The following DTNB variants were observed in gnomAD, a reference collection of about 807,000 sequenced individuals.
DTNB encodes dystrobrevin beta.
In DTNB, 63 loss-of-function variants were observed where a neutral mutation model predicts 90.7. That is an observed-to-expected ratio of 0.69 (90% CI 0.57 to 0.86). The LOEUF is 0.86. DTNB is among the 40% of genes least tolerant of loss of function. DTNB has a pLI of 0.00. For synonymous variants in DTNB, 277 were observed against 286.7 expected (o/e 0.97, Z 0.34); for missense variants, 744 against 807.1 (o/e 0.92, Z 0.95).
At chr2:25,410,581 G>A (rs563160310) in intron 16 of DTNB, among the ~76,000 whole-genome samples, 4 of 152,198 alleles carry the variant, frequency 2.6e-5, no homozygotes, top group African/African-American at 9.6e-5. Context: ...TGAAAAGAGG[G>A]GAAATGAGAA....
At chr2:25,417,707 G>A (rs2048316425) in intron 16 of DTNB, among the ~76,000 whole-genome samples, 1 of 152,166 alleles carries the variant, frequency 6.6e-6, no homozygotes, top group East Asian at 1.9e-4. Context: ...AAGAGAAGGA[G>A]GGGATGCTAG....
At chr2:25,655,916 A>G (rs897301236) in intron 1 of DTNB, among the ~76,000 whole-genome samples, 1 of 152,144 alleles carries the variant, frequency 6.6e-6, no homozygotes, top group African/African-American at 2.4e-5. Flanking sequence ...TAAATACTCC[A>G]ACTACCTTTC....
chr2:25,575,280 A>T (rs2060485151), intron 8 of DTNB, among the ~76,000 whole-genome samples: 1 of 152,038 alleles, frequency 6.6e-6, no homozygotes, highest in Non-Finnish European at 1.5e-5. Flanking sequence ...ATTAACAATT[A>T]ACATAGTGAA....
intron 9 of DTNB, among the ~76,000 whole-genome samples, chr2:25,525,904 A>G (rs113522472): frequency 4.1e-4 from 63 of 152,210 alleles, no homozygotes; most frequent in Middle Eastern, 6.8e-3. Context: ...ACTGGTTGAA[A>G]GAATGGATAA....
intron 4 of DTNB, among the ~76,000 whole-genome samples, chr2:25,620,792 C>T (rs2072348377): frequency 1.3e-5 from 2 of 152,124 alleles, no homozygotes; most frequent in African/African-American, 4.8e-5. Flanking sequence ...CAAAGCAAAA[C>T]CCTGTCTCTA....
chr2:25,529,087 A>G (rs2077663868), intron 9 of DTNB, among the ~76,000 whole-genome samples: 1 of 152,138 alleles, frequency 6.6e-6, no homozygotes, highest in Non-Finnish European at 1.5e-5. Flanking sequence ...TAGACAAGAC[A>G]CTCCAGAAAA....
chr2:25,646,395 C>A (rs1382703175), intron 2 of DTNB, among the ~76,000 whole-genome samples: 1 of 151,864 alleles, frequency 6.6e-6, no homozygotes, highest in Non-Finnish European at 1.5e-5. Context: ...TCGCTTGAAC[C>A]AGGGAGGCGG....
chr2:25,649,203 C>T (rs1664604421), intron 2 of DTNB, among the ~76,000 whole-genome samples: 1 of 151,914 alleles, frequency 6.6e-6, no homozygotes, highest in Admixed American at 6.6e-5. Flanking sequence ...GACGGGGTTT[C>T]ACCATGTTAG....
intron 5 of DTNB, among the ~76,000 whole-genome samples, chr2:25,606,952 T>A (rs1379561197): frequency 6.6e-6 from 1 of 152,216 alleles, no homozygotes; most frequent in Non-Finnish European, 1.5e-5. Context: ...ATAATTTTAA[T>A]AATGTGGAAA....
chr2:25,398,531 C>T (rs532994741), intron 16 of DTNB, among the ~76,000 whole-genome samples: 1 of 152,312 alleles, frequency 6.6e-6, no homozygotes, highest in East Asian at 1.9e-4. Context: ...TGGGCTTTCG[C>T]CAGGCCTGAG....
chr2:25,604,415 CTT>C (rs397755067), intron 5 of DTNB, among the ~76,000 whole-genome samples: 2 of 149,604 alleles, frequency 1.3e-5, no homozygotes. Context: ...CTCTCTCTCT[CTT>C]TCTTTTCTTG....
chr2:25,468,602 TAAGA>T (rs2062219371), intron 10 of DTNB, among the ~76,000 whole-genome samples: 1 of 152,156 alleles, frequency 6.6e-6, no homozygotes, highest in Admixed American at 6.5e-5. Context: ...AAGCCAAGTT[TAAGA>T]AATAAGCCAG....
chr2:25,604,714 C>A (rs2066704237), intron 5 of DTNB, among the ~76,000 whole-genome samples: 1 of 152,160 alleles, frequency 6.6e-6, no homozygotes, highest in Non-Finnish European at 1.5e-5. Context: ...CTCAGCCTCC[C>A]GAGTAGCTGG....
At chr2:25,384,594 G>A (rs1429604255) in intron 18 of DTNB, among the ~76,000 whole-genome samples, 2 of 152,186 alleles carry the variant, frequency 1.3e-5, no homozygotes, top group African/African-American at 4.8e-5. Flanking sequence ...TGAAGGAATT[G>A]GGTGTAGCAG....
At chr2:25,518,267 T>C (rs149630012) in intron 9 of DTNB, among the ~76,000 whole-genome samples, 2 of 152,112 alleles carry the variant, frequency 1.3e-5, no homozygotes, top group African/African-American at 4.8e-5. Flanking sequence ...TTGTGAGATT[T>C]TGAGTTTAAA....
chr2:25,575,869 A>G (rs2060573939), intron 8 of DTNB, among the ~76,000 whole-genome samples: 1 of 152,206 alleles, frequency 6.6e-6, no homozygotes, highest in Non-Finnish European at 1.5e-5. Flanking sequence ...AAAATATGGC[A>G]TTTTTAGGAC....
In DTNB at chr2:25,580,753, G is replaced by T. The variant is rs1376166008; in HGVS notation, c.677C>A (p.Pro226His). ...DPPPQCLVWL[P>H]LMHRLAHVEN... is the part of the protein sequence containing the mutation. ...AACATGGGCAAGCCTGTGCATGAGA[G>T]GTAGCCAGACAAGGCACTGGGGAGG... The change falls in exon 7 of 21, where the codon CCT (proline) becomes CAT (histidine). Residue 226 changes from proline (P) to histidine (H), a missense_variant. Pro to His is a moderately conservative substitution (Grantham distance 77). Coordinates refer to ENST00000406818, the MANE Select transcript of DTNB (RefSeq NM_021907.5). 9 of 1,613,514 alleles carry T rather than the reference G, an allele frequency of 5.6e-6. No individual in the cohort carries two copies. Among genetic ancestry groups the T allele is most frequent in the Non-Finnish European group, 6.8e-6 (8 of 1,179,626 alleles).
intron 8 of DTNB, among the ~76,000 whole-genome samples, chr2:25,573,963 C>T (rs1026244330): frequency 6.6e-6 from 1 of 152,104 alleles, no homozygotes; most frequent in Non-Finnish European, 1.5e-5. Flanking sequence ...TTTCACCCTC[C>T]GCGGAGTCCT....
intron 1 of DTNB, among the ~76,000 whole-genome samples, chr2:25,666,357 C>T (rs2149048770): frequency 6.6e-6 from 1 of 152,226 alleles, no homozygotes; most frequent in East Asian, 1.9e-4. Context: ...TTACCAAGAA[C>T]AGAAGAAAAC....
Sources: gnomAD v4.1 joint callset for allele counts (sites outside exome capture counted in the v4.1 genomes callset) on GRCh38, gnomAD v4.1.1 for gene constraint, MANE v1.5 for transcripts, NCBI Gene and HGNC (gene_info 2026-07-23, HGNC 2026-07-21) for gene names.